DISP1: variants seen among roughly 807,000 people sequenced by gnomAD.
DISP1 encodes the protein protein dispatched homolog 1.
In DISP1, 30 loss-of-function variants were observed where a neutral mutation model predicts 37.3. That is an observed-to-expected ratio of 0.80 (90% CI 0.60 to 1.09). The LOEUF is 1.09. Ranked by LOEUF, DISP1 falls within the 50% of genes least tolerant of loss-of-function variation. The probability of loss-of-function intolerance (pLI) is 0.00; values close to 1 mark genes in which losing one functional copy is unlikely to be tolerated. For synonymous variants in DISP1, 634 were observed against 690.2 expected, an observed-to-expected ratio of 0.92 and a Z score of 1.28; for missense variants, 1,598 against 1,879.5, an observed-to-expected ratio of 0.85 and a Z score of 2.77.
chr1:222,867,686 A>G (rs1006163638), intron 1 of DISP1, among the ~76,000 whole-genome samples: 3 of 152,198 alleles, frequency 2.0e-5, no homozygotes, highest in African/African-American at 4.8e-5. Flanking sequence ...TGTCACATCA[A>G]TAGTTAGTGG....
At position 222,922,773 on chromosome 1, in the gene DISP1, A is replaced by C. The variant is rs538803868; in HGVS notation, c.-158-5657A>C. On this transcript the variant is annotated intron_variant, in intron 1 of 8. Transcript: ENST00000675850. ...GCAGGAGACATAAAGCAGAAAGTTCAAAGGAAAAGACCCTTGGATATTGCT... is the reference window on the plus strand; with the variant it reads ...GCAGGAGACATAAAGCAGAAAGTTCCAAGGAAAAGACCCTTGGATATTGCT... 2.6e-5 allele frequency among the ~76,000 whole-genome samples: 4 copies of C among 152,292 alleles called. No individual in the cohort carries two copies. In the East Asian group the frequency reaches 7.7e-4, roughly 29 times the overall value.
At chr1:222,856,488 A>G (rs1429025674) in intron 1 of DISP1, among the ~76,000 whole-genome samples, 1 of 152,218 alleles carries the variant, frequency 6.6e-6, no homozygotes, top group East Asian at 1.9e-4. Flanking sequence ...GCTAGTATAG[A>G]TAGCAGTTTG....
intron 1 of DISP1, among the ~76,000 whole-genome samples, chr1:222,846,561 A>G (rs1667914350): frequency 6.6e-6 from 1 of 152,132 alleles, no homozygotes; most frequent in East Asian, 1.9e-4. Flanking sequence ...GCAGTTCTGC[A>G]TATCAAAAAA....
At position 222,992,572 on chromosome 1, in the gene DISP1, A is replaced by G. The variant is rs1437542837; in HGVS notation, c.889+462A>G. Among the ~76,000 whole-genome samples, 6 of 152,218 alleles carry G rather than the reference A, an allele frequency of 3.9e-5. No individual in the cohort carries two copies. In the East Asian group the frequency reaches 9.6e-4, roughly 24 times the overall value. Reference sequence around the variant, plus strand: ...AAAGTTCTGATTCATTCAAAAAGCAATACTATATTAAGAGCCTTCTGTGTG... The same window carrying G: ...AAAGTTCTGATTCATTCAAAAAGCAGTACTATATTAAGAGCCTTCTGTGTG... On this transcript the variant is annotated intron_variant, in intron 7 of 8. Transcript: ENST00000675850.
intron 1 of DISP1, among the ~76,000 whole-genome samples, chr1:222,839,717 G>A (rs1285500107): frequency 6.6e-6 from 1 of 151,996 alleles, no homozygotes; most frequent in Non-Finnish European, 1.5e-5. Context: ...GGTGGATCAT[G>A]AGGTCAAGAG....
In DISP1 at chr1:222,849,686, T is replaced by C. The variant is rs191552988; in HGVS notation, c.-159+34608T>C. Among the ~76,000 whole-genome samples, 18 of 152,280 alleles carry C rather than the reference T, an allele frequency of 1.2e-4. No individual in the cohort carries two copies. In the East Asian group the frequency reaches 3.3e-3, roughly 28 times the overall value. On this transcript the variant is annotated intron_variant, in intron 1 of 8. Transcript: ENST00000675850. ...ACAGGCCATACTTCTGTGTACACTT[T>C]TGAAAATATTCTAATGTACATGAAG...
intron 2 of DISP1, among the ~76,000 whole-genome samples, chr1:222,938,337 T>A (rs1674122441): frequency 6.7e-6 from 1 of 150,324 alleles, no homozygotes; most frequent in Non-Finnish European, 1.5e-5. Flanking sequence ...AACTCCTTAT[T>A]CCACTCCTAT....
rs529671664 is a variant in DISP1, at chr1:222,901,241, G to A, written c.-158-27189G>A. Among the ~76,000 whole-genome samples, 7 of 152,182 alleles carry A rather than the reference G, an allele frequency of 4.6e-5. 1 individual carries two copies. Among genetic ancestry groups the A allele is most frequent in the African/African-American group, 1.7e-4 (7 of 41,518 alleles). The stretch of plus-strand genomic sequence containing the variant: ...GTCATGAACCAAACTTGAGGACGAA[G>A]GATTTGTGAGAGATTTGAGGAGCCA... On this transcript the variant is annotated intron_variant, in intron 1 of 8. Transcript: ENST00000675850.
intron 3 of DISP1, among the ~76,000 whole-genome samples, chr1:222,957,509 A>G (rs1327852182): frequency 6.6e-6 from 1 of 152,144 alleles, no homozygotes; most frequent in Non-Finnish European, 1.5e-5. Context: ...GAATTGCTTG[A>G]ACCCAGGAGG....
At chr1:222,970,106 T>G (rs1278237801) in intron 3 of DISP1, among the ~76,000 whole-genome samples, 1 of 152,228 alleles carries the variant, frequency 6.6e-6, no homozygotes, top group Non-Finnish European at 1.5e-5. Context: ...TTGAGCACTC[T>G]TTCGTATTTG....
At chr1:222,898,453 A>T (rs538756285) in intron 1 of DISP1, among the ~76,000 whole-genome samples, 1 of 152,130 alleles carries the variant, frequency 6.6e-6, no homozygotes, top group East Asian at 1.9e-4. Context: ...TCCTGCCAAA[A>T]ATTTTTTGAA....
At position 223,005,833 on chromosome 1, in the gene DISP1, A is replaced by G. The variant is rs1679873020; in HGVS notation, c.4436A>G (p.Asn1479Ser). Residue 1479 changes from asparagine (N) to serine (S), a missense_variant, in exon 9 of 9, where the codon AAT becomes AGT. By Grantham distance (46) the Asn-to-Ser change is conservative. Transcript: ENST00000675850. The stretch of plus-strand genomic sequence containing the variant: ...GCTGGTTGTAGGTCTTGCCCAAATA[A>G]TTCACAAAGTTGTGGCAGAATTGTG... ...GEAGCRSCPN[N>S]SQSCGRIVRV... The G allele has an allele frequency of 6.2e-7, 1 of 1,614,114 alleles. No individual in the cohort carries two copies. Among genetic ancestry groups the G allele is most frequent in the African/African-American group, 1.3e-5 (1 of 74,944 alleles).
chr1:222,898,240 A>T (rs1671378376), intron 1 of DISP1, among the ~76,000 whole-genome samples: 1 of 152,140 alleles, frequency 6.6e-6, no homozygotes, highest in Admixed American at 6.5e-5. Context: ...TAAAAGTTGA[A>T]GCCAGTATCA....
At chr1:222,927,250 A>G (rs1281059216) in intron 1 of DISP1, among the ~76,000 whole-genome samples, 2 of 152,056 alleles carry the variant, frequency 1.3e-5, no homozygotes, top group Non-Finnish European at 2.9e-5. Context: ...AGTGGTATCT[A>G]ATAAGATACC....
At chr1:222,915,394 A>G (rs1008675376) in intron 1 of DISP1, among the ~76,000 whole-genome samples, 1 of 152,234 alleles carries the variant, frequency 6.6e-6, no homozygotes, top group Admixed American at 6.5e-5. Context: ...TGAATGCTGC[A>G]TTGCCTAATA....
Position 222,984,435 on chromosome 1 carries a change from T to TATATATATATAGAGAGAG in DISP1, c.539+1327_539+1328insTATATATATAGAGAGAGA, listed in dbSNP as rs67660273. On this transcript the variant is annotated intron_variant, in intron 4 of 8. Coordinates refer to ENST00000675850, the MANE Select transcript of DISP1 (RefSeq NM_001377229.1). ...AAAAAAAAAAAAATATATATATATA[T>TATATATATATAGAGAGAG]AGAGAGAGAGAGAGAGAGAGAGAGC... Among the ~76,000 whole-genome samples the TATATATATATAGAGAGAG allele has an allele frequency of 1.7e-3, 182 of 108,360 alleles. 1 individual carries two copies. The highest frequency in any genetic ancestry group is 6.8e-3 in the East Asian group (26 of 3,838). 71.1% of individuals were successfully genotyped at this position (108,360 alleles called of 152,430 possible).
At chr1:222,852,111 G>A (rs1668279676) in intron 1 of DISP1, among the ~76,000 whole-genome samples, 1 of 152,104 alleles carries the variant, frequency 6.6e-6, no homozygotes, top group South Asian at 2.1e-4. Context: ...TTGAACTTGG[G>A]AGGGAGAGGT....
chr1:222,853,378 C>T (rs915148097), intron 1 of DISP1, among the ~76,000 whole-genome samples: 6 of 152,218 alleles, frequency 3.9e-5, no homozygotes, highest in African/African-American at 1.4e-4. Flanking sequence ...ACCATCTGAT[C>T]CAGTGATTGT....
rs187182716 is a variant in DISP1, at chr1:222,879,246, G to A, written c.-158-49184G>A. Among the ~76,000 whole-genome samples the A allele has an allele frequency of 3.0e-3, 450 of 152,236 alleles. 3 individuals carry two copies. The highest frequency in any genetic ancestry group is 0.011 in the African/African-American group (437 of 41,558). On this transcript the variant is annotated intron_variant, in intron 1 of 8. Transcript: ENST00000675850. The stretch of plus-strand genomic sequence containing the variant: ...GCAATGAGACACCTGGCTTAGCTCT[G>A]TGTGAAATATTTTTACTTTTCCATT...
Sources: allele counts gnomAD v4.1 joint callset (sites outside exome capture counted in the v4.1 genomes callset), GRCh38; gene constraint gnomAD v4.1.1; transcripts MANE v1.5; gene names NCBI Gene and HGNC (gene_info 2026-07-23, HGNC 2026-07-21).